AHDC1: variants seen among roughly 807,000 people sequenced by gnomAD.
AHDC1 encodes AT-hook DNA binding motif containing 1.
A neutral mutation model predicts 87.9 loss-of-function variants in AHDC1; 7 were observed. That is an observed-to-expected ratio of 0.08 (90% confidence interval 0.05 to 0.15). The LOEUF (loss-of-function observed/expected upper bound fraction) is 0.15. Ranked by LOEUF, AHDC1 falls within the 10% of genes least tolerant of loss-of-function variation. The pLI is 1.00. For synonymous variants in AHDC1, 1,051 were observed against 1,006.8 expected (o/e 1.04, Z -0.83); for missense variants, 1,841 against 2,253.2 (o/e 0.82, Z 3.70).
rs2020296193 is a variant in AHDC1 at position 27,565,878 on chromosome 1, C to CCTGG, written c.-628-6999_-628-6996dup. Among the ~76,000 whole-genome samples the CCTGG allele has an allele frequency of 6.6e-6, 1 of 152,138 alleles. No individual in the cohort carries two copies. Among genetic ancestry groups the CCTGG allele is most frequent in the Non-Finnish European group, 1.5e-5 (1 of 68,008 alleles). ...ATGGATGGAGCCCATCCCCTAAAAC[C>CCTGG]CTGGAAAGGCAGACTCACACTCTTG... On this transcript the variant is annotated intron_variant, in intron 3 of 8. Coordinates refer to ENST00000673934, the MANE Select transcript of AHDC1 (RefSeq NM_001371928.1). This position sits in a 1 kb window ranked among gnomAD's most constrained non-coding sequence, Gnocchi z 4.6.
chr1:27,537,756 G>C (rs2018710696), intron 8 of AHDC1, among the ~76,000 whole-genome samples: 1 of 152,196 alleles, frequency 6.6e-6, no homozygotes, highest in African/African-American at 2.4e-5. Context: ...CACAACTGCA[G>C]AGCCACATTC....
intron 3 of AHDC1, among the ~76,000 whole-genome samples, chr1:27,586,367 G>A (rs1227410766): frequency 6.6e-6 from 1 of 151,928 alleles, no homozygotes; most frequent in Non-Finnish European, 1.5e-5. Context: ...GAAGGGGAGA[G>A]GGACAGGCCT....
At chr1:27,577,874 C>T (rs2088801633) in intron 3 of AHDC1, among the ~76,000 whole-genome samples, 1 of 152,304 alleles carries the variant, frequency 6.6e-6, no homozygotes, top group East Asian at 1.9e-4. Flanking sequence ...CCTGAGAGGC[C>T]AGAGCCCCAA....
intron 3 of AHDC1, among the ~76,000 whole-genome samples, chr1:27,588,761 A>G (rs2089136188): frequency 1.3e-5 from 2 of 152,096 alleles, no homozygotes; most frequent in African/African-American, 4.8e-5. Context: ...GTATGCAAAC[A>G]TGTACGTGTG....
At position 27,549,584 on chromosome 1, in the gene AHDC1, G is replaced by A. The variant is rs149713889; in HGVS notation, c.2532C>T (p.Leu844=). 131 of 1,613,160 alleles carry A rather than the reference G, an allele frequency of 8.1e-5. No individual in the cohort carries two copies. The East Asian group carries it at 1.1e-3, about 14-fold the overall frequency. ...AGAGATCGGAGGAGTCATCCGAATC[G>A]AGCAGCGAGCGAAAGTAGCCGGTGA... ...NLFTGYFRSL[L]DSDDSSDLLD... Residue 844 remains leucine, a synonymous_variant, in exon 8 of 9, where the codon CTC becomes CTT. Transcript: ENST00000673934.
At position 27,534,664 on chromosome 1, in the gene AHDC1, T is replaced by C. The variant is rs1227685203; in HGVS notation, c.*296A>G. 6.6e-6 allele frequency: 1 copy of C among 152,514 alleles called. No individual in the cohort carries two copies. The highest frequency in any genetic ancestry group is 1.5e-5 in the Non-Finnish European group (1 of 68,016). The allele number at this position is 152,514 out of a possible 1,614,324, so 9.4% of individuals were successfully genotyped here. A position where few individuals can be genotyped will look rare whatever the true frequency, so the allele number is the denominator to read the frequency against. On this transcript the variant is annotated 3_prime_UTR_variant, in exon 9 of 9. Transcript: ENST00000673934. ...GCTCTCTCGCTCTCTCTCTCTCTTT[T>C]TTTTTTTTGTCTTTTTCTAAAACTG... is the stretch of plus-strand genomic sequence containing the variant.
chr1:27,568,504 C>A (rs1190697704), intron 3 of AHDC1, among the ~76,000 whole-genome samples: 1 of 152,184 alleles, frequency 6.6e-6, no homozygotes, highest in Non-Finnish European at 1.5e-5. Context: ...GTCTCCCCGC[C>A]CCTTAGGCCG....
Position 27,551,892 on chromosome 1 carries a change from G to A in AHDC1, c.224C>T (p.Pro75Leu). Residue 75 changes from proline (P) to leucine (L), a missense_variant, in exon 8 of 9, where the codon CCA becomes CTA. Pro to Leu is a moderately conservative substitution (Grantham distance 98, BLOSUM62 -3). Around this residue, in one of 13 missense-constraint regions of AHDC1, gnomAD observed 142 missense variants for 165.6 expected, o/e 0.86. Coordinates refer to ENST00000673934, the MANE Select transcript of AHDC1 (RefSeq NM_001371928.1). ...CGGGTCGTCCCCCTTGGCAAGGACT[G>A]GTGGGCGCCGGGTGCTGGGGTCCCG... ...PRRDPSTRRP[P>L]VLAKGDDPLP... is the part of the protein sequence containing the mutation. The A allele has an allele frequency of 6.2e-7, 1 of 1,601,180 alleles. No homozygotes were observed. The highest frequency in any genetic ancestry group is 8.5e-7 in the Non-Finnish European group (1 of 1,172,814).
chr1:27,567,621 C>G (rs189618050), intron 3 of AHDC1, among the ~76,000 whole-genome samples: 1 of 152,184 alleles, frequency 6.6e-6, no homozygotes, highest in Non-Finnish European at 1.5e-5. Flanking sequence ...GCACTGAACC[C>G]CACATACTTG....
intron 3 of AHDC1, among the ~76,000 whole-genome samples, chr1:27,603,143 A>AC (rs1156376060): frequency 0.011 from 1,225 of 110,450 alleles, 2 homozygotes; most frequent in Middle Eastern, 0.013. Context: ...AAACCCGAGA[A>AC]CCCCCCCTCC....
intron 8 of AHDC1, among the ~76,000 whole-genome samples, chr1:27,542,347 C>G (rs1371289013): frequency 6.6e-6 from 1 of 152,172 alleles, no homozygotes; most frequent in Non-Finnish European, 1.5e-5. Context: ...AAAGCCTCCC[C>G]CAAGGCCCCA....
chr1:27,583,007 G>C (rs540412242), intron 3 of AHDC1, among the ~76,000 whole-genome samples: 20 of 152,192 alleles, frequency 1.3e-4, no homozygotes, highest in African/African-American at 4.8e-4. Flanking sequence ...CCGCCTCCTG[G>C]GTTCAAGTGA....
At chr1:27,554,640 C>T (rs2019739608) in intron 5 of AHDC1, among the ~76,000 whole-genome samples, 1 of 152,196 alleles carries the variant, frequency 6.6e-6, no homozygotes, top group Admixed American at 6.5e-5. Context: ...TGGACCCCAA[C>T]ACTGTGAGGG....
rs1310659458 is a variant in AHDC1, at chr1:27,593,257, G to A, written c.-629+10140C>T. On this transcript the variant is annotated intron_variant, in intron 3 of 8. Transcript: ENST00000673934. The surrounding 1 kb of genome is among the most constrained non-coding windows in gnomAD (Gnocchi z 4.9). The stretch of plus-strand genomic sequence containing the variant: ...CCACTCCTCCAGGCAGGCAGCGATA[G>A]GATTACTTCTGCATGACTGCCCGCT... Among the ~76,000 whole-genome samples the A allele has an allele frequency of 2.0e-5, 3 of 152,020 alleles. No individual in the cohort carries two copies. The highest frequency in any genetic ancestry group is 4.4e-5 in the Non-Finnish European group (3 of 67,956).
chr1:27,578,886 C>T (rs1272536407), intron 3 of AHDC1, among the ~76,000 whole-genome samples: 4 of 151,732 alleles, frequency 2.6e-5, no homozygotes, highest in East Asian at 1.9e-4. Flanking sequence ...TTAGTAGAGA[C>T]GGGGTTTTAC....
intron 3 of AHDC1, among the ~76,000 whole-genome samples, chr1:27,581,153 A>C (rs2088896762): frequency 6.6e-6 from 1 of 151,714 alleles, no homozygotes; most frequent in Non-Finnish European, 1.5e-5. Flanking sequence ...TTTTTGAGAC[A>C]GGGTCTCGCT....
chr1:27,588,619 A>G (rs2089131270), intron 3 of AHDC1, among the ~76,000 whole-genome samples: 1 of 152,168 alleles, frequency 6.6e-6, no homozygotes, highest in African/African-American at 2.4e-5. Flanking sequence ...GAGAGTGTTT[A>G]TGAGAGACAG....
intron 3 of AHDC1, among the ~76,000 whole-genome samples, chr1:27,570,130 C>T (rs960170520): frequency 6.6e-6 from 1 of 152,066 alleles, no homozygotes; most frequent in African/African-American, 2.4e-5. Flanking sequence ...GCCAACCTTT[C>T]CCTACCCTCC....
In AHDC1 at chr1:27,550,413, G is replaced by A. The variant is rs112313220; in HGVS notation, c.1703C>T (p.Ala568Val). The change falls in exon 8 of 9, where the codon GCG becomes GTG. Residue 568 changes from alanine to valine, a missense_variant. Around this residue, in one of 13 missense-constraint regions of AHDC1, gnomAD observed 84 missense variants for 111.7 expected, o/e 0.75. Coordinates refer to ENST00000673934, the MANE Select transcript of AHDC1 (RefSeq NM_001371928.1). ...PGKPKEPAVV[A>V]AEAATVAAAT... ...CGCTGCCACAGTGGCTGCCTCGGCC[G>A]CCACCACAGCTGGCTCCTTGGGCTT... 37 of 1,611,200 alleles carry A rather than the reference G, an allele frequency of 2.3e-5. No individual in the cohort carries two copies. Among genetic ancestry groups the A allele is most frequent in the East Asian group, 8.9e-5 (4 of 44,830 alleles).
Sources: allele counts gnomAD v4.1 joint callset (sites outside exome capture counted in the v4.1 genomes callset), GRCh38; gene constraint gnomAD v4.1.1; regional missense constraint gnomAD v4.1.1; non-coding constraint Gnocchi (gnomAD v3.1); transcripts MANE v1.5; gene names NCBI Gene and HGNC (gene_info 2026-07-23, HGNC 2026-07-21).